Variants in TLL2 observed in about 807,000 individuals in gnomAD.
TLL2 encodes tolloid like 2, also known as tolloid-like protein 2.
A neutral mutation model predicts 123.0 loss-of-function variants in TLL2; 106 were observed. That is an observed-to-expected ratio of 0.86 (90% CI 0.74 to 1.01). The LOEUF (loss-of-function observed/expected upper bound fraction) is 1.01, where lower values mean the gene tolerates loss of function less well. TLL2 is among the 50% of genes least tolerant of loss of function. TLL2 has a pLI of 0.00. For synonymous variants in TLL2, 494 were observed against 516.8 expected (o/e 0.96, Z 0.60); for missense variants, 1,332 against 1,336.7 (o/e 1.00, Z 0.06).
intron 1 of TLL2, among the ~76,000 whole-genome samples, chr10:96,509,930 G>C (rs1031608427): frequency 6.6e-6 from 1 of 152,234 alleles, no homozygotes; most frequent in Admixed American, 6.5e-5. Context: ...CTGGGCGACA[G>C]AGCGAGACTC....
intron 4 of TLL2, 48 bp downstream of exon 4, chr10:96,432,759 G>A: frequency 6.3e-7 from 1 of 1,591,516 alleles, no homozygotes; most frequent in Non-Finnish European, 8.6e-7. Context: ...TCAACCCAGG[G>A]AGACAAAGCA....
intron 3 of TLL2, among the ~76,000 whole-genome samples, chr10:96,442,657 A>G (rs911805436): frequency 6.6e-6 from 1 of 152,174 alleles, no homozygotes. Flanking sequence ...CACTGCTATC[A>G]TCACCCTCCC....
At chr10:96,500,046 TGAAGTAG>T (rs1847518091) in intron 1 of TLL2, among the ~76,000 whole-genome samples, 2 of 140,482 alleles carry the variant, frequency 1.4e-5, no homozygotes, top group South Asian at 4.3e-4. Flanking sequence ...TTTGGGAGGC[TGAAGTAG>T]GTAAGTCACT....
At chr10:96,504,967 C>T (rs942183727) in intron 1 of TLL2, among the ~76,000 whole-genome samples, 5 of 152,118 alleles carry the variant, frequency 3.3e-5, no homozygotes, top group South Asian at 2.1e-4. Flanking sequence ...GAGATCGCAC[C>T]GCTGCACTCC....
chr10:96,381,490 A>G (rs1171381021), intron 16 of TLL2, among the ~76,000 whole-genome samples: 1 of 152,118 alleles, frequency 6.6e-6, no homozygotes, highest in African/African-American at 2.4e-5. Context: ...CTGTGCTCAC[A>G]CTGCCTCCCC....
At chr10:96,395,424 T>G in intron 12 of TLL2, 42 bp from the exon 13 acceptor site, 1 of 1,510,010 alleles carries the variant, frequency 6.6e-7, no homozygotes, top group Non-Finnish European at 8.8e-7. Context: ...CAGATGGTTC[T>G]GCTTTAAGGT....
intron 1 of TLL2, among the ~76,000 whole-genome samples, chr10:96,492,222 AG>A (rs1348164616): frequency 2.0e-5 from 3 of 150,000 alleles, no homozygotes; most frequent in Admixed American, 1.3e-4. Flanking sequence ...TAGAAGGGAG[AG>A]GAAAAAAAAA....
intron 2 of TLL2, among the ~76,000 whole-genome samples, chr10:96,474,813 A>G (rs1360217646): frequency 2.0e-5 from 3 of 152,180 alleles, no homozygotes; most frequent in Non-Finnish European, 4.4e-5. Context: ...AGGTGTTGGC[A>G]GCATTCTCCC....
chr10:96,392,394 A>T (rs1846297847), intron 13 of TLL2, among the ~76,000 whole-genome samples: 1 of 152,158 alleles, frequency 6.6e-6, no homozygotes, highest in Non-Finnish European at 1.5e-5. Context: ...TTTGGGACAC[A>T]TACTAAAAAA....
At chr10:96,390,273 C>G (rs1282884532) in intron 13 of TLL2, among the ~76,000 whole-genome samples, 2 of 152,214 alleles carry the variant, frequency 1.3e-5, no homozygotes, top group Non-Finnish European at 2.9e-5. Flanking sequence ...TTGAAGAAAT[C>G]CCTTGAGGGA....
chr10:96,403,468 C>T (rs1032770450), intron 10 of TLL2, among the ~76,000 whole-genome samples: 10 of 152,198 alleles, frequency 6.6e-5, no homozygotes, highest in South Asian at 4.1e-4. Flanking sequence ...TGTATGAAAT[C>T]GAGGTTTAAG....
chr10:96,464,279 G>A (rs1847108870), intron 2 of TLL2, among the ~76,000 whole-genome samples: 1 of 152,088 alleles, frequency 6.6e-6, no homozygotes, highest in South Asian at 2.1e-4. Context: ...AGCTACTTGG[G>A]AAGCTGGGGC....
At position 96,370,266 on chromosome 10, in the gene TLL2, G is replaced by A; in HGVS notation, c.2712C>T (p.Ser904=). The change falls in exon 20 of 21, where the codon TCC becomes TCT. Residue 904 remains serine (S), a synonymous_variant. Transcript: ENST00000357947. ...AGTTGTTGTCCCCAAACTGGGCGTG[G>A]GAATAGAGCTCTTTGGTCTGCACTT... ...KAEVQTKELY[S]HAQFGDNNYP... The A allele has an allele frequency of 3.1e-6, 5 of 1,609,844 alleles. No individual in the cohort carries two copies. Among genetic ancestry groups the A allele is most frequent in the Non-Finnish European group, 4.2e-6 (5 of 1,177,774 alleles).
chr10:96,450,715 A>G (rs913648936), intron 2 of TLL2, among the ~76,000 whole-genome samples: 2 of 152,186 alleles, frequency 1.3e-5, no homozygotes, highest in Non-Finnish European at 2.9e-5. Flanking sequence ...GGCTCTGGCT[A>G]TAACTGCAGC....
At chr10:96,386,885 C>T in intron 14 of TLL2, 68 bp downstream of exon 14, 3 of 1,593,930 alleles carry the variant, frequency 1.9e-6, no homozygotes, top group Non-Finnish European at 2.6e-6. Context: ...TGCCCCATCT[C>T]TGCCCCACTT....
chr10:96,439,341 T>A (rs1846829283), intron 3 of TLL2, among the ~76,000 whole-genome samples: 1 of 151,488 alleles, frequency 6.6e-6, no homozygotes, highest in Non-Finnish European at 1.5e-5. Context: ...CCTCAAGTGA[T>A]CCACCCTATT....
intron 11 of TLL2, among the ~76,000 whole-genome samples, chr10:96,396,788 C>A (rs1000443012): frequency 2.6e-5 from 4 of 152,114 alleles, no homozygotes; most frequent in African/African-American, 9.7e-5. Flanking sequence ...TGCCCAAAGT[C>A]TTCTTTTCAC....
At chr10:96,436,031 A>G (rs1846792191) in intron 3 of TLL2, among the ~76,000 whole-genome samples, 1 of 152,234 alleles carries the variant, frequency 6.6e-6, no homozygotes, top group Non-Finnish European at 1.5e-5. Flanking sequence ...GATTTCTAAC[A>G]CTGCACTGTG....
Position 96,397,223 on chromosome 10 carries a change from G to C in TLL2, c.1347C>G (p.Ser449Arg), listed in dbSNP as rs749709825. The C allele has an allele frequency of 6.2e-7, 1 of 1,613,860 alleles. No homozygotes were observed. The highest frequency in any genetic ancestry group is 2.2e-5 in the East Asian group (1 of 44,854). Residue 449 changes from serine (S) to arginine (R), a missense_variant, in exon 11 of 21, where the codon AGC becomes AGG. Physicochemically the swap from Ser to Arg is moderately radical, Grantham distance 110. Transcript: ENST00000357947. ...CAAAGAAGCCCTTGCCCAAGATGTTGCTGCTGCTGCGGAACTCCACCCAGA... is the reference window on the plus strand; with the variant it reads ...CAAAGAAGCCCTTGCCCAAGATGTTCCTGCTGCTGCGGAACTCCACCCAGA... Reference protein sequence around the residue: ...SRLWVEFRSSSNILGKGFFAA... With the variant: ...SRLWVEFRSSRNILGKGFFAA...
Sources: gnomAD v4.1 joint callset for allele counts (sites outside exome capture counted in the v4.1 genomes callset) on GRCh38, gnomAD v4.1.1 for gene constraint, MANE v1.5 for transcripts, NCBI Gene and HGNC (gene_info 2026-07-23, HGNC 2026-07-21) for gene names.